The following HCRTR2 variants were observed in gnomAD, a reference collection of about 807,000 sequenced individuals.
The protein encoded by HCRTR2 is orexin receptor type 2.
Under a neutral mutation model 49.0 loss-of-function variants are expected in HCRTR2, and 22 were observed. That is an observed-to-expected ratio of 0.45 (90% CI 0.32 to 0.64). The LOEUF (loss-of-function observed/expected upper bound fraction) is 0.64. Ranked by LOEUF, HCRTR2 falls within the 30% of genes least tolerant of loss-of-function variation. The probability of loss-of-function intolerance (pLI) is 0.04; values close to 1 mark genes in which losing one functional copy is unlikely to be tolerated. For synonymous variants in HCRTR2, 236 were observed against 205.3 expected, an observed-to-expected ratio of 1.15 and a Z score of -1.28; for missense variants, 491 against 559.4, an observed-to-expected ratio of 0.88 and a Z score of 1.23.
At chr6:55,117,718 G>T (rs1257197940) in intron 1 of HCRTR2, among the ~76,000 whole-genome samples, 1 of 139,086 alleles carries the variant, frequency 7.2e-6, no homozygotes, top group East Asian at 2.2e-4. Context: ...ATTCCACTGT[G>T]TAGAAACTGG....
intron 1 of HCRTR2, among the ~76,000 whole-genome samples, chr6:55,133,349 GT>G (rs1355643565): frequency 6.7e-6 from 1 of 150,244 alleles, no homozygotes; most frequent in Admixed American, 6.7e-5. Context: ...AAATGTATGT[GT>G]GTGAGAGAGA....
At chr6:55,135,609 A>C in intron 1 of HCRTR2, among the ~76,000 whole-genome samples, 1 of 152,280 alleles carries the variant, frequency 6.6e-6, no homozygotes, top group Non-Finnish European at 1.5e-5. Context: ...AGGAGACAAT[A>C]GATAAGTAAG....
chr6:55,145,736 ACCT>A (rs1241426215), intron 1 of HCRTR2, among the ~76,000 whole-genome samples: 1 of 151,610 alleles, frequency 6.6e-6, no homozygotes, highest in East Asian at 1.9e-4. Flanking sequence ...TTGCTAACCA[ACCT>A]CCTTTACACT....
In HCRTR2 at chr6:55,234,548, C is replaced by G. The variant is rs535112459; in HGVS notation, c.224-14091C>G. ...TCCTAAAGAAGGCATCAAATTGACC[C>G]ATAAATGTGGATAAAACTTCTGTAA... On this transcript the variant is annotated intron_variant, in intron 1 of 6. Transcript: ENST00000370862. 3.5e-4 allele frequency among the ~76,000 whole-genome samples: 53 copies of G among 152,104 alleles called. 1 individual carries two copies. The South Asian group carries it at 0.011, about 30-fold the overall frequency.
At position 55,248,800 on chromosome 6, in the gene HCRTR2, G is replaced by C; in HGVS notation, c.385G>C (p.Val129Leu). Residue 129 changes from valine (V) to leucine (L), a missense_variant, in exon 2 of 7, where the codon GTG (valine) becomes CTG (leucine). Transcript: ENST00000370862. ...TWFFGQSLCK[V>L]IPYLQTVSVS... ...GTTTTTTGGACAGTCCCTTTGCAAA[G>C]TGATTCCTTATCTACAGGTAATTGT... 1 of 1,613,244 alleles carries C rather than the reference G, an allele frequency of 6.2e-7. No individual in the cohort carries two copies. Among genetic ancestry groups the C allele is most frequent in the South Asian group, 1.1e-5 (1 of 91,072 alleles).
At chr6:55,233,587 C>T (rs1766158138) in intron 1 of HCRTR2, among the ~76,000 whole-genome samples, 1 of 152,052 alleles carries the variant, frequency 6.6e-6, no homozygotes, top group Admixed American at 6.6e-5. Context: ...GTTGTAGCTA[C>T]TTGGGAAGCT....
intron 1 of HCRTR2, among the ~76,000 whole-genome samples, chr6:55,147,617 C>T (rs1764612707): frequency 6.6e-6 from 1 of 152,158 alleles, no homozygotes; most frequent in African/African-American, 2.4e-5. Context: ...AGGTTCAGTA[C>T]AATAGGCTGC....
chr6:55,152,998 T>G (rs1218088045), intron 1 of HCRTR2, among the ~76,000 whole-genome samples: 2 of 151,724 alleles, frequency 1.3e-5, no homozygotes, highest in African/African-American at 4.8e-5. Flanking sequence ...TGTGTGCGTG[T>G]TTTTTTTCTA....
At chr6:55,243,965 A>G (rs1364999068) in intron 1 of HCRTR2, among the ~76,000 whole-genome samples, 1 of 152,078 alleles carries the variant, frequency 6.6e-6, no homozygotes, top group East Asian at 1.9e-4. Flanking sequence ...GATTTTGGAC[A>G]GTTTTGGATA....
intron 1 of HCRTR2, among the ~76,000 whole-genome samples, chr6:55,133,767 A>G (rs572452470): frequency 3.3e-5 from 5 of 151,678 alleles, no homozygotes; most frequent in Admixed American, 6.6e-5. Flanking sequence ...AGCTTTTTAT[A>G]TTAGGAATAA....
chr6:55,282,777 A>G (rs766769777), downstream of HCRTR2, among the ~76,000 whole-genome samples: 11 of 152,134 alleles, frequency 7.2e-5, no homozygotes, highest in Non-Finnish European at 1.5e-4. Context: ...AATCTCTCAC[A>G]TTCAGATTGG....
chr6:55,244,956 A>G (rs1187317512), intron 1 of HCRTR2, among the ~76,000 whole-genome samples: 2 of 152,028 alleles, frequency 1.3e-5, no homozygotes, highest in African/African-American at 4.8e-5. Flanking sequence ...AGTTTGTTGA[A>G]GATAAATTGC....
At chr6:55,281,786 T>C (rs1767195862) in intron 6 of HCRTR2, among the ~76,000 whole-genome samples, 1 of 152,180 alleles carries the variant, frequency 6.6e-6, no homozygotes, top group African/African-American at 2.4e-5. Context: ...TGGATTTAAT[T>C]GTTTCAGTAT....
chr6:55,282,275 G>A lies in HCRTR2; in HGVS notation c.1156G>A (p.Val386Ile). ...KAAFSCCCLGVHHRQEDRLTR... is the reference protein window; with the variant it reads ...KAAFSCCCLGIHHRQEDRLTR... Reference sequence around the variant, plus strand: ...TGCGTTTTCTTGCTGTTGCCTTGGAGTTCACCATCGCCAGGAGGATCGGCT... The same window carrying A: ...TGCGTTTTCTTGCTGTTGCCTTGGAATTCACCATCGCCAGGAGGATCGGCT... The change falls in exon 7 of 7, where the codon GTT becomes ATT. Residue 386 changes from valine to isoleucine, a missense_variant. By Grantham distance (29) the Val-to-Ile change is conservative. Transcript: ENST00000370862. 6.2e-7 allele frequency: 1 copy of A among 1,613,912 alleles called. No individual in the cohort carries two copies. Among genetic ancestry groups the A allele is most frequent in the South Asian group, 1.1e-5 (1 of 91,084 alleles).
chr6:55,108,871 G>A (rs993478730), intron 1 of HCRTR2, among the ~76,000 whole-genome samples: 2 of 152,124 alleles, frequency 1.3e-5, no homozygotes, highest in East Asian at 3.9e-4. Flanking sequence ...GGGGAGGGGC[G>A]AAGCCTGAAA....
chr6:55,183,476 G>A (rs376357854), intron 1 of HCRTR2, among the ~76,000 whole-genome samples: 1 of 152,164 alleles, frequency 6.6e-6, no homozygotes, highest in African/African-American at 2.4e-5. Flanking sequence ...CAGTAAATAA[G>A]GATTGGCCAT....
chr6:55,226,188 TC>T (rs1211623513), intron 1 of HCRTR2, among the ~76,000 whole-genome samples: 1 of 152,206 alleles, frequency 6.6e-6, no homozygotes. Context: ...TATTTTCTAT[TC>T]CCCTCCCACT....
At chr6:55,276,364 C>T (rs1266631880) in intron 4 of HCRTR2, among the ~76,000 whole-genome samples, 1 of 152,140 alleles carries the variant, frequency 6.6e-6, no homozygotes, top group African/African-American at 2.4e-5. Flanking sequence ...ATCGAACAGA[C>T]TTTGATCTGG....
intron 1 of HCRTR2, among the ~76,000 whole-genome samples, chr6:55,155,145 T>C (rs1764713952): frequency 1.3e-5 from 2 of 151,708 alleles, no homozygotes; most frequent in African/African-American, 4.8e-5. Context: ...ATGTACATAC[T>C]ACCCAAAACA....
Sources: allele counts gnomAD v4.1 joint callset (sites outside exome capture counted in the v4.1 genomes callset), GRCh38; gene constraint gnomAD v4.1.1; transcripts MANE v1.5; gene names NCBI Gene and HGNC (gene_info 2026-07-23, HGNC 2026-07-21).